PHACTR1: variants seen among roughly 807,000 people sequenced by gnomAD.
PHACTR1 encodes the protein RPEL repeat containing 1.
In PHACTR1, 16 loss-of-function variants were observed where a neutral mutation model predicts 69.2. The observed-to-expected ratio is 0.23, with a 90% CI of 0.16 to 0.35. The LOEUF is 0.35. PHACTR1 is among the 10% of genes least tolerant of loss of function. The pLI is 1.00. For missense variants in PHACTR1, 510 were observed against 734.7 expected (o/e 0.69, Z 3.54); for synonymous variants, 312 against 284.5 (o/e 1.10, Z -0.97).
intron 5 of PHACTR1, among the ~76,000 whole-genome samples, chr6:13,118,808 A>G (rs1035694146): frequency 3.3e-5 from 5 of 152,134 alleles, no homozygotes; most frequent in African/African-American, 9.7e-5. Flanking sequence ...AGCATGGCGC[A>G]GTGGAAAGAG....
intron 5 of PHACTR1, among the ~76,000 whole-genome samples, chr6:13,106,892 A>C (rs898807074): frequency 6.6e-6 from 1 of 152,158 alleles, no homozygotes; most frequent in Admixed American, 6.5e-5. Flanking sequence ...AACACCAGTC[A>C]GTTTAAATAT....
At chr6:13,002,253 T>C (rs553571734) in intron 4 of PHACTR1, among the ~76,000 whole-genome samples, 1 of 152,344 alleles carries the variant, frequency 6.6e-6, no homozygotes, top group East Asian at 1.9e-4. Flanking sequence ...AGCTATCCTA[T>C]TTCTTTCACG....
intron 4 of PHACTR1, among the ~76,000 whole-genome samples, chr6:12,851,740 A>G (rs1779845168): frequency 6.6e-6 from 1 of 152,204 alleles, no homozygotes; most frequent in Non-Finnish European, 1.5e-5. Flanking sequence ...TTACACAATC[A>G]GGCATTGCTC....
chr6:12,856,633 G>A (rs915647682), intron 4 of PHACTR1, among the ~76,000 whole-genome samples: 4 of 152,086 alleles, frequency 2.6e-5, no homozygotes, highest in South Asian at 2.1e-4. Context: ...AAATATACAG[G>A]AGTCCTGTGA....
chr6:13,247,504 C>A (rs1773746763), intron 10 of PHACTR1, among the ~76,000 whole-genome samples: 1 of 152,084 alleles, frequency 6.6e-6, no homozygotes, highest in Non-Finnish European at 1.5e-5. Flanking sequence ...AGCCACCATG[C>A]CTGGCTAATT....
intron 4 of PHACTR1, among the ~76,000 whole-genome samples, chr6:12,822,853 A>G (rs1221038906): frequency 1.3e-5 from 2 of 152,244 alleles, no homozygotes; most frequent in East Asian, 3.8e-4. Flanking sequence ...TAGATGAGCC[A>G]TAAGGCCACA....
rs1269026061 is a variant in PHACTR1, at chr6:13,173,054, T to G, written c.497-9465T>G. 5.3e-5 allele frequency among the ~76,000 whole-genome samples: 8 copies of G among 152,250 alleles called. No individual in the cohort carries two copies. In the South Asian group the frequency reaches 1.4e-3, roughly 28 times the overall value. On this transcript the variant is annotated intron_variant, in intron 6 of 14. Coordinates refer to ENST00000332995, the MANE Select transcript of PHACTR1 (RefSeq NM_030948.6). ...GTAGATTCTGAAAATATAGGTTCCC[T>G]GGTCCTACAGTCCCCTGTAGTGTCT...
chr6:12,933,042 T>G (rs1789040467), intron 4 of PHACTR1, among the ~76,000 whole-genome samples: 1 of 151,818 alleles, frequency 6.6e-6, no homozygotes, highest in Admixed American at 6.6e-5. Context: ...TTCAAGTGAT[T>G]CTACTGCCTC....
intron 4 of PHACTR1, among the ~76,000 whole-genome samples, chr6:12,809,917 A>G (rs1175786398): frequency 1.3e-5 from 2 of 152,254 alleles, no homozygotes; most frequent in Non-Finnish European, 2.9e-5. Context: ...AATAATTCTT[A>G]TCATCTTGAT....
chr6:12,862,078 T>C (rs1020944404), intron 4 of PHACTR1, among the ~76,000 whole-genome samples: 21 of 152,298 alleles, frequency 1.4e-4, no homozygotes, highest in Admixed American at 1.2e-3. Flanking sequence ...TCTGTGCTTT[T>C]AAAGAAGCTT....
chr6:12,807,944 T>C (rs888061760), intron 4 of PHACTR1, among the ~76,000 whole-genome samples: 2 of 152,218 alleles, frequency 1.3e-5, no homozygotes, highest in African/African-American at 4.8e-5. Flanking sequence ...AGAGTAAAGA[T>C]TTAGATACTC....
At chr6:13,108,116 T>C (rs1408001764) in intron 5 of PHACTR1, among the ~76,000 whole-genome samples, 1 of 152,118 alleles carries the variant, frequency 6.6e-6, no homozygotes, top group Non-Finnish European at 1.5e-5. Context: ...CTAGTTTCTT[T>C]TATGATTTCT....
chr6:13,034,364 T>G (rs917496498), intron 4 of PHACTR1, among the ~76,000 whole-genome samples: 3 of 152,208 alleles, frequency 2.0e-5, no homozygotes, highest in Admixed American at 6.5e-5. Context: ...GAGCAGATGC[T>G]CAATAAATGG....
chr6:13,140,943 C>G (rs1468546650), intron 5 of PHACTR1, among the ~76,000 whole-genome samples: 1 of 152,134 alleles, frequency 6.6e-6, no homozygotes, highest in Non-Finnish European at 1.5e-5. Context: ...TGTCAAGTGA[C>G]AGGATGTTTT....
intron 10 of PHACTR1, among the ~76,000 whole-genome samples, chr6:13,230,883 G>T (rs980772824): frequency 1.3e-5 from 2 of 152,090 alleles, no homozygotes; most frequent in Non-Finnish European, 1.5e-5. Flanking sequence ...AGATGTGGTG[G>T]CACATGCCTG....
chr6:13,258,416 T>C (rs12212533), intron 10 of PHACTR1, among the ~76,000 whole-genome samples: 69,535 of 151,452 alleles, frequency 0.46, 18,811 homozygotes, highest in Non-Finnish European at 0.63. Context: ...ATTTAATTGG[T>C]TAAGAATGTG....
At chr6:13,075,368 C>A (rs369357034) in intron 5 of PHACTR1, among the ~76,000 whole-genome samples, 1 of 152,136 alleles carries the variant, frequency 6.6e-6, no homozygotes, top group African/African-American at 2.4e-5. Context: ...CACCCCAGCC[C>A]ACTATAGCTT....
intron 4 of PHACTR1, among the ~76,000 whole-genome samples, chr6:12,789,414 G>T (rs1383150978): frequency 6.6e-6 from 1 of 152,050 alleles, no homozygotes; most frequent in Non-Finnish European, 1.5e-5. Flanking sequence ...AGTATCTCAA[G>T]GCCAGGTCCG....
At chr6:12,727,363 G>A (rs1459350623) in intron 3 of PHACTR1, among the ~76,000 whole-genome samples, 13 of 152,120 alleles carry the variant, frequency 8.5e-5, no homozygotes, top group Admixed American at 1.3e-4. Flanking sequence ...ACAATTCTCC[G>A]TAGGCAAAGT....
Sources: allele counts gnomAD v4.1 joint callset (sites outside exome capture counted in the v4.1 genomes callset), GRCh38; gene constraint gnomAD v4.1.1; transcripts MANE v1.5; gene names NCBI Gene and HGNC (gene_info 2026-07-23, HGNC 2026-07-21).